CADM2: variants seen among roughly 807,000 people sequenced by gnomAD.
The protein encoded by CADM2 is cell adhesion molecule 2.
In CADM2, 12 loss-of-function variants were observed where a neutral mutation model predicts 49.8. That is an observed-to-expected ratio of 0.24 (90% confidence interval 0.15 to 0.39). The LOEUF is 0.39. Ranked by LOEUF, CADM2 falls within the 10% of genes least tolerant of loss-of-function variation. The pLI is 1.00. For missense variants in CADM2, 378 were observed against 492.3 expected (o/e 0.77, Z 2.20); for synonymous variants, 214 against 175.4 (o/e 1.22, Z -1.74).
At chr3:85,112,642 A>C (rs1193880000) in intron 1 of CADM2, among the ~76,000 whole-genome samples, 2 of 151,890 alleles carry the variant, frequency 1.3e-5, no homozygotes, top group Non-Finnish European at 2.9e-5. Context: ...TTTATTTCTG[A>C]AAATTTCTAT....
intron 1 of CADM2, among the ~76,000 whole-genome samples, chr3:85,275,656 T>C (rs2043340154): frequency 6.6e-6 from 1 of 151,272 alleles, no homozygotes; most frequent in Admixed American, 6.6e-5. Flanking sequence ...ATTGTTACAA[T>C]TGCATATTTT....
chr3:85,720,414 A>G (rs966451398), intron 1 of CADM2, among the ~76,000 whole-genome samples: 2 of 152,204 alleles, frequency 1.3e-5, no homozygotes, highest in African/African-American at 4.8e-5. Flanking sequence ...AAATTGCAGA[A>G]TGGTGACTTT....
intron 1 of CADM2, among the ~76,000 whole-genome samples, chr3:85,604,417 A>G (rs972369469): frequency 3.3e-5 from 5 of 152,082 alleles, no homozygotes; most frequent in South Asian, 2.1e-4. Flanking sequence ...AAAGACTACA[A>G]GTAGCAAATG....
chr3:85,374,900 G>A (rs931562055), intron 1 of CADM2, among the ~76,000 whole-genome samples: 2 of 152,078 alleles, frequency 1.3e-5, no homozygotes, highest in African/African-American at 4.8e-5. Flanking sequence ...GATGAGATTT[G>A]GGTGGGGACA....
intron 2 of CADM2, among the ~76,000 whole-genome samples, chr3:85,748,182 T>C (rs56101762): frequency 0.3 from 45,862 of 151,790 alleles, 7,299 homozygotes; most frequent in East Asian, 0.6. Context: ...TCTATCAAAC[T>C]CTCAGGAACA....
At chr3:85,448,468 C>A (rs1461039222) in intron 1 of CADM2, among the ~76,000 whole-genome samples, 1 of 151,930 alleles carries the variant, frequency 6.6e-6, no homozygotes, top group Non-Finnish European at 1.5e-5. Context: ...TGGATGTCTT[C>A]ATGATTCTAA....
chr3:85,436,766 C>G (rs1280356138), intron 1 of CADM2, among the ~76,000 whole-genome samples: 2 of 152,134 alleles, frequency 1.3e-5, no homozygotes, highest in Non-Finnish European at 2.9e-5. Context: ...GTACTCACTG[C>G]CTTCACACAC....
chr3:85,724,912 G>T (rs1450627958), intron 1 of CADM2, among the ~76,000 whole-genome samples: 1 of 151,652 alleles, frequency 6.6e-6, no homozygotes, highest in African/African-American at 2.4e-5. Flanking sequence ...CTTAAGTTTT[G>T]ATATTAAATA....
chr3:85,533,683 G>A (rs756908051), intron 1 of CADM2, among the ~76,000 whole-genome samples: 12 of 152,258 alleles, frequency 7.9e-5, no homozygotes, highest in East Asian at 5.8e-4. Context: ...GAAACAGAGC[G>A]AATAGGGCAT....
chr3:85,624,072 A>T (rs1200677790), intron 1 of CADM2, among the ~76,000 whole-genome samples: 1 of 152,182 alleles, frequency 6.6e-6, no homozygotes, highest in Non-Finnish European at 1.5e-5. Context: ...TAATTTTAAA[A>T]TATTTAATTG....
chr3:85,727,820 T>C lies in CADM2; in HGVS notation c.88+1272T>C, dbSNP rs113869355. On this transcript the variant is annotated intron_variant, in intron 2 of 9. Coordinates refer to ENST00000383699, the MANE Select transcript of CADM2 (RefSeq NM_001167675.2). ...GGAGCTGGAAGTGGCTCTTGAAGGA[T>C]GGATAGGATGTACATAGAAAACAAG... Among the ~76,000 whole-genome samples the C allele has an allele frequency of 6.8e-3, 1,026 of 151,926 alleles. 14 individuals are homozygous for C. The highest frequency in any genetic ancestry group is 0.022 in the African/African-American group (930 of 41,430).
intron 8 of CADM2, among the ~76,000 whole-genome samples, chr3:85,967,295 T>C (rs1253422789): frequency 6.6e-6 from 1 of 151,702 alleles, no homozygotes; most frequent in Non-Finnish European, 1.5e-5. Context: ...AATTGAGTCA[T>C]GGATGGTATC....
chr3:85,943,669 C>G (rs1317367192), intron 7 of CADM2, among the ~76,000 whole-genome samples: 3 of 151,816 alleles, frequency 2.0e-5, no homozygotes, highest in Non-Finnish European at 4.4e-5. Context: ...CTACAGTACC[C>G]AAAACAGCAT....
chr3:85,275,488 T>C (rs1180839845), intron 1 of CADM2, among the ~76,000 whole-genome samples: 2 of 151,450 alleles, frequency 1.3e-5, no homozygotes, highest in East Asian at 1.9e-4. Flanking sequence ...GGTAAGTAGA[T>C]ACTCATGTAT....
At chr3:85,775,133 G>A (rs1199326595) in intron 2 of CADM2, among the ~76,000 whole-genome samples, 1 of 151,542 alleles carries the variant, frequency 6.6e-6, no homozygotes, top group East Asian at 1.9e-4. Flanking sequence ...GAAATAAATG[G>A]AATATTTAAC....
intron 3 of CADM2, among the ~76,000 whole-genome samples, chr3:85,876,597 G>T (rs561760123): frequency 5.0e-4 from 76 of 152,190 alleles, no homozygotes; most frequent in African/African-American, 1.8e-3. Flanking sequence ...TTTTTGTCAT[G>T]ATTTAAGCAT....
In CADM2 at chr3:85,206,564, C is replaced by T. The variant is rs978137357; in HGVS notation, c.61+246896C>T. ...CCTCGTGATCCGCCCACCTCGGCCT[C>T]CCAAAGTGCTGGGATTACAGGCGTG... is the stretch of plus-strand genomic sequence containing the variant. On this transcript the variant is annotated intron_variant, in intron 1 of 9. Transcript: ENST00000383699. 9.9e-5 allele frequency among the ~76,000 whole-genome samples: 15 copies of T among 152,178 alleles called. 1 individual carries two copies. Among genetic ancestry groups the T allele is most frequent in the African/African-American group, 3.6e-4 (15 of 41,554 alleles).
rs559759986 is a variant in CADM2, at chr3:85,541,765, A to T, written c.62-184757A>T. 3.7e-4 allele frequency among the ~76,000 whole-genome samples: 29 copies of T among 78,312 alleles called. 2 individuals are homozygous for T. Among genetic ancestry groups the T allele is most frequent in the African/African-American group, 4.5e-4 (7 of 15,636 alleles). The allele number at this position is 78,312 out of a possible 152,430, so 51.4% of individuals were successfully genotyped here. ...TATATTTTATATATTTTATATATATATTTTATATTTTATATATATATATAT... is the reference window on the plus strand; with the variant it reads ...TATATTTTATATATTTTATATATATTTTTTATATTTTATATATATATATAT... On this transcript the variant is annotated intron_variant, in intron 1 of 9. Coordinates refer to ENST00000383699, the MANE Select transcript of CADM2 (RefSeq NM_001167675.2).
rs901322966 is a variant in CADM2 at position 86,068,953 on chromosome 3, C to T, written c.*2170C>T. ...ATTGAAACTAGAATAGGTTTATAAA[C>T]TGTTCATATCTTTCAATGCATAATC... On this transcript the variant is annotated 3_prime_UTR_variant, in exon 10 of 10. Coordinates refer to ENST00000383699, the MANE Select transcript of CADM2 (RefSeq NM_001167675.2). The T allele has an allele frequency of 2.0e-5, 3 of 152,088 alleles. No individual in the cohort carries two copies. Among genetic ancestry groups the T allele is most frequent in the Non-Finnish European group, 2.9e-5 (2 of 67,850 alleles). 9.4% of individuals were successfully genotyped at this position (152,088 alleles called of 1,614,324 possible). A position where few individuals can be genotyped will look rare whatever the true frequency, so the allele number is the denominator to read the frequency against.
Sources: gnomAD v4.1 joint callset for allele counts (sites outside exome capture counted in the v4.1 genomes callset) on GRCh38, gnomAD v4.1.1 for gene constraint, MANE v1.5 for transcripts, NCBI Gene and HGNC (gene_info 2026-07-23, HGNC 2026-07-21) for gene names.